Variants in SNRPC observed in about 807,000 individuals in gnomAD.
SNRPC encodes the protein U1 small nuclear ribonucleoprotein C.
A neutral mutation model predicts 20.0 loss-of-function variants in SNRPC; 5 were observed. The ratio of observed to expected loss-of-function variants is 0.25; its 90% CI spans 0.13 to 0.53. The LOEUF is 0.53. Among genes scored for constraint, SNRPC ranks in the 20% least tolerant of loss-of-function variants. The pLI is 0.96. For synonymous variants in SNRPC, 61 were observed against 58.7 expected, an observed-to-expected ratio of 1.04 and a Z score of -0.18; for missense variants, 112 against 224.1, an observed-to-expected ratio of 0.50 and a Z score of 3.19.
At chr6:34,764,296 G>A (rs1764584198) in intron 3 of SNRPC, among the ~76,000 whole-genome samples, 1 of 151,712 alleles carries the variant, frequency 6.6e-6, no homozygotes, top group Admixed American at 6.6e-5. Flanking sequence ...CCTCAACATG[G>A]AGAAACCCCG....
chr6:34,767,049 T>G (rs1764622848), intron 3 of SNRPC, among the ~76,000 whole-genome samples: 1 of 152,264 alleles, frequency 6.6e-6, no homozygotes, highest in African/African-American at 2.4e-5. Flanking sequence ...ATTGATTGCA[T>G]TAGACTTTCT....
rs945539647 is a variant in SNRPC, at chr6:34,757,924, C to T, written c.21C>T (p.Asp7=). 6 of 1,613,432 alleles carry T rather than the reference C, an allele frequency of 3.7e-6. No homozygotes were observed. Among genetic ancestry groups the T allele is most frequent in the South Asian group, 1.1e-5 (1 of 91,072 alleles). Residue 7 remains aspartate (D), a synonymous_variant, in exon 2 of 6, where the codon GAC becomes GAT. Coordinates refer to ENST00000244520, the MANE Select transcript of SNRPC (RefSeq NM_003093.3). MPKFYC[D]YCDTYLTHDS... ...CACCTCTTTTCAGGTTTTATTGTGA[C>T]TACTGCGATACATACCTCACCCATG...
intron 1 of SNRPC, 69 bp from the exon 2 acceptor site, chr6:34,757,843 G>A: frequency 6.2e-7 from 1 of 1,611,840 alleles, no homozygotes; most frequent in African/African-American, 1.3e-5. Context: ...TATCTTCCAT[G>A]AACAGCGCTT....
chr6:34,772,724 C>T (rs1258864293), intron 5 of SNRPC, among the ~76,000 whole-genome samples: 2 of 152,074 alleles, frequency 1.3e-5, no homozygotes, highest in Non-Finnish European at 2.9e-5. Context: ...AGAAGTAGAA[C>T]ATTATCAATT....
At chr6:34,768,676 C>T (rs1294434974) in intron 4 of SNRPC, among the ~76,000 whole-genome samples, 3 of 150,028 alleles carry the variant, frequency 2.0e-5, no homozygotes, top group African/African-American at 7.4e-5. Context: ...TGCTTGAACC[C>T]GGGTGGTGGG....
chr6:34,763,254 T>C (rs1280423843), intron 3 of SNRPC, among the ~76,000 whole-genome samples: 1 of 152,194 alleles, frequency 6.6e-6, no homozygotes, highest in Non-Finnish European at 1.5e-5. Flanking sequence ...GCTTATTGGG[T>C]CCGGGACACT....
At chr6:34,764,310 C>G (rs1235680142) in intron 3 of SNRPC, among the ~76,000 whole-genome samples, 1 of 151,684 alleles carries the variant, frequency 6.6e-6, no homozygotes, top group Admixed American at 6.6e-5. Context: ...AACCCCGTCT[C>G]TACTAAAAAT....
intron 2 of SNRPC, among the ~76,000 whole-genome samples, chr6:34,761,429 C>T (rs968748337): frequency 2.6e-5 from 4 of 151,422 alleles, no homozygotes; most frequent in South Asian, 2.1e-4. Flanking sequence ...TGAGCCACCG[C>T]GACTGGCTGC....
chr6:34,758,503 TG>T (rs1381841342), intron 2 of SNRPC, among the ~76,000 whole-genome samples: 1 of 152,006 alleles, frequency 6.6e-6, no homozygotes, highest in East Asian at 1.9e-4. Context: ...TTAGGAGAGA[TG>T]GGGTTTCTCC....
Position 34,773,566 on chromosome 6 carries a change from G to A in SNRPC, c.476G>A (p.Arg159Lys). The stretch of plus-strand genomic sequence containing the variant: ...CGGCCCGGAATGACTCGACCAGACA[G>A]ATAAGGATAGAGGGGAGGCCTTATT... ...PTRPGMTRPD[R>K] Residue 159 changes from arginine to lysine, a missense_variant, in exon 6 of 6, where the codon AGA becomes AAA. Arg to Lys is a conservative substitution (Grantham distance 26). Transcript: ENST00000244520. This position sits in a 1 kb window ranked among gnomAD's most constrained non-coding sequence, Gnocchi z 4.1. 1 of 1,613,702 alleles carries A rather than the reference G, an allele frequency of 6.2e-7. No homozygotes were observed. The highest frequency in any genetic ancestry group is 8.5e-7 in the Non-Finnish European group (1 of 1,179,924).
intron 2 of SNRPC, among the ~76,000 whole-genome samples, chr6:34,761,500 A>C (rs1764535242): frequency 6.8e-6 from 1 of 146,784 alleles, no homozygotes; most frequent in Non-Finnish European, 1.5e-5. Context: ...AGTGGTTGGG[A>C]AGACAAGGAA....
chr6:34,758,102 C>A, intron 2 of SNRPC, 148 bp downstream of exon 2: 1 of 868,654 alleles, frequency 1.2e-6, no homozygotes, highest in Non-Finnish European at 1.7e-6. Context: ...AGGTTATTTT[C>A]CCACCCTTCC....
chr6:34,768,776 G>T (rs6940395), intron 4 of SNRPC, among the ~76,000 whole-genome samples: 64,087 of 147,892 alleles, frequency 0.43, 15,478 homozygotes, highest in African/African-American at 0.67. Context: ...AAAAAGAAAA[G>T]AAAAGAAGGA....
Position 34,757,506 on chromosome 6 carries a change from C to A in SNRPC, c.-38C>A. On this transcript the variant is annotated 5_prime_UTR_variant, in exon 1 of 6. Coordinates refer to ENST00000244520, the MANE Select transcript of SNRPC (RefSeq NM_003093.3). ...GCTGGCTGTGCGCGTCATTTCCGGG[C>A]GTCACGTAACGGAGTGGCCAACGGC... 5.6e-6 allele frequency: 9 copies of A among 1,609,184 alleles called. No individual in the cohort carries two copies. The East Asian group carries it at 6.7e-5, about 12-fold the overall frequency.
At chr6:34,758,218 C>T (rs1012412387) in intron 2 of SNRPC, among the ~76,000 whole-genome samples, 3 of 151,914 alleles carry the variant, frequency 2.0e-5, no homozygotes, top group South Asian at 2.1e-4. Flanking sequence ...GTCCAGGCTG[C>T]AGTGAGGCAT....
At position 34,757,520 on chromosome 6, in the gene SNRPC, G is replaced by GTGGCCAACGGCC; in HGVS notation, c.-21_-10dup. The GTGGCCAACGGCC allele has an allele frequency of 6.2e-7, 1 of 1,612,942 alleles. No homozygotes were observed. Among genetic ancestry groups the GTGGCCAACGGCC allele is most frequent in the Non-Finnish European group, 8.5e-7 (1 of 1,178,950 alleles). On this transcript the variant is annotated 5_prime_UTR_variant, in exon 1 of 6. Coordinates refer to ENST00000244520, the MANE Select transcript of SNRPC (RefSeq NM_003093.3). ...TCATTTCCGGGCGTCACGTAACGGA[G>GTGGCCAACGGCC]TGGCCAACGGCCTGCAGAGCAACAT...
intron 4 of SNRPC, among the ~76,000 whole-genome samples, chr6:34,769,905 T>C (rs1243684743): frequency 6.6e-6 from 1 of 152,136 alleles, no homozygotes; most frequent in Non-Finnish European, 1.5e-5. Flanking sequence ...AAGGAGTTCA[T>C]GAGATCCTTT....
chr6:34,760,921 G>A (rs954864707), intron 2 of SNRPC, among the ~76,000 whole-genome samples: 3 of 151,638 alleles, frequency 2.0e-5, no homozygotes, highest in African/African-American at 7.3e-5. Flanking sequence ...AGTGGCACGC[G>A]CCTATAGTCC....
chr6:34,761,334 C>T (rs992924675), intron 2 of SNRPC, among the ~76,000 whole-genome samples: 4 of 151,626 alleles, frequency 2.6e-5, no homozygotes, highest in Admixed American at 1.3e-4. Flanking sequence ...GAGACAGTTT[C>T]GCCTTGTAGG....
Sources: gnomAD v4.1 joint callset for allele counts (sites outside exome capture counted in the v4.1 genomes callset) on GRCh38, gnomAD v4.1.1 for gene constraint, Gnocchi (gnomAD v3.1) non-coding constraint, MANE v1.5 for transcripts, NCBI Gene and HGNC (gene_info 2026-07-23, HGNC 2026-07-21) for gene names.